The following RNF150 variants were observed in gnomAD, a reference collection of about 807,000 sequenced individuals.
RNF150 encodes ring finger protein 150.
Under a neutral mutation model 39.3 loss-of-function variants are expected in RNF150, and 24 were observed. The ratio of observed to expected loss-of-function variants is 0.61; its 90% CI spans 0.44 to 0.86. The LOEUF is 0.86. Ranked by LOEUF, RNF150 falls within the 40% of genes least tolerant of loss-of-function variation. RNF150 has a pLI of 0.00. For synonymous variants in RNF150, 255 were observed against 227.3 expected, an observed-to-expected ratio of 1.12 and a Z score of -1.10; for missense variants, 502 against 587.8, an observed-to-expected ratio of 0.85 and a Z score of 1.51.
intron 1 of RNF150, among the ~76,000 whole-genome samples, chr4:141,079,588 G>A (rs959234836): frequency 3.3e-5 from 5 of 152,322 alleles, no homozygotes; most frequent in African/African-American, 1.2e-4. Context: ...CTGTAAAACT[G>A]TGAGCAGCTG....
intron 1 of RNF150, among the ~76,000 whole-genome samples, chr4:141,212,342 A>G (rs1728481266): frequency 6.6e-6 from 1 of 152,162 alleles, no homozygotes. Flanking sequence ...GGACTTAGTA[A>G]CTGCATACCG....
intron 1 of RNF150, among the ~76,000 whole-genome samples, chr4:141,183,210 C>A (rs1727941525): frequency 6.6e-6 from 1 of 152,118 alleles, no homozygotes; most frequent in African/African-American, 2.4e-5. Context: ...CAAAGGGCTA[C>A]ATATTACCAG....
At chr4:141,038,637 G>C (rs1237422974) in intron 1 of RNF150, among the ~76,000 whole-genome samples, 1 of 151,936 alleles carries the variant, frequency 6.6e-6, no homozygotes, top group Non-Finnish European at 1.5e-5. Flanking sequence ...GCTGCAGTGA[G>C]CCATGATTGT....
chr4:140,926,193 C>T (rs1310918611), intron 4 of RNF150, 120 bp from the exon 5 acceptor site: 3 of 698,586 alleles, frequency 4.3e-6, no homozygotes, highest in Non-Finnish European at 7.6e-6. Flanking sequence ...AGACTCAAAC[C>T]TCCATCCCTA....
chr4:140,964,462 G>C (rs12331181), intron 2 of RNF150, among the ~76,000 whole-genome samples: 1 of 151,870 alleles, frequency 6.6e-6, no homozygotes, highest in South Asian at 2.1e-4. Context: ...TAACAATGAG[G>C]CTGTTAATAA....
intron 1 of RNF150, among the ~76,000 whole-genome samples, chr4:141,107,868 C>T (rs1739264681): frequency 6.6e-6 from 1 of 152,084 alleles, no homozygotes; most frequent in Admixed American, 6.5e-5. Flanking sequence ...TTCATTGCAT[C>T]ATTAAAATGT....
At chr4:141,030,552 C>T (rs1735905590) in intron 1 of RNF150, among the ~76,000 whole-genome samples, 1 of 152,092 alleles carries the variant, frequency 6.6e-6, no homozygotes, top group Non-Finnish European at 1.5e-5. Flanking sequence ...ATGAAATTTA[C>T]CTAAGTGTCC....
intron 6 of RNF150, among the ~76,000 whole-genome samples, chr4:140,903,219 G>C (rs1730251240): frequency 6.6e-6 from 1 of 152,188 alleles, no homozygotes; most frequent in Admixed American, 6.5e-5. Flanking sequence ...CCTCTGGCTA[G>C]TGGTGTTTCC....
In RNF150 at chr4:141,020,734, C is replaced by T. The variant is rs17006786; in HGVS notation, c.485-52861G>A. 6.1e-3 allele frequency among the ~76,000 whole-genome samples: 929 copies of T among 152,258 alleles called. 24 individuals are homozygous for T. Among genetic ancestry groups the T allele is most frequent in the Admixed American group, 0.043 (650 of 15,294 alleles). ...CAATTACAGTCAGGCTGATGCTAGA[C>T]CATGTACCATTTCATGATGTGTTTA... On this transcript the variant is annotated intron_variant, in intron 1 of 6. Coordinates refer to ENST00000515673, the MANE Select transcript of RNF150 (RefSeq NM_020724.2).
intron 1 of RNF150, among the ~76,000 whole-genome samples, chr4:140,989,129 T>C (rs935048038): frequency 2.6e-5 from 4 of 152,178 alleles, no homozygotes; most frequent in Non-Finnish European, 5.9e-5. Context: ...CCAAAGTGAC[T>C]GTAAGGTCTG....
intron 5 of RNF150, among the ~76,000 whole-genome samples, chr4:140,915,436 G>A (rs190166149): frequency 6.6e-6 from 1 of 152,274 alleles, no homozygotes; most frequent in African/African-American, 2.4e-5. Flanking sequence ...GAAGGATGAA[G>A]GGGAACAAAA....
At chr4:140,894,980 G>C (rs574286575) in intron 6 of RNF150, among the ~76,000 whole-genome samples, 1 of 152,172 alleles carries the variant, frequency 6.6e-6, no homozygotes, top group Non-Finnish European at 1.5e-5. Context: ...GGAACTCTCA[G>C]GGAGAGCAGA....
chr4:140,888,746 G>A (rs1729662621), intron 6 of RNF150, among the ~76,000 whole-genome samples: 2 of 152,168 alleles, frequency 1.3e-5, no homozygotes, highest in Admixed American at 1.3e-4. Flanking sequence ...TTACTAGGCT[G>A]ATAAAGCTGA....
intron 1 of RNF150, among the ~76,000 whole-genome samples, chr4:141,195,310 C>A (rs1272155116): frequency 6.6e-6 from 1 of 152,176 alleles, no homozygotes; most frequent in Non-Finnish European, 1.5e-5. Flanking sequence ...CCTCCAGACT[C>A]CATTTCTGGA....
intron 1 of RNF150, among the ~76,000 whole-genome samples, chr4:141,142,265 G>A (rs1424123433): frequency 1.3e-5 from 2 of 152,112 alleles, no homozygotes; most frequent in Non-Finnish European, 2.9e-5. Context: ...ATCCTTTTCT[G>A]TTGTTTAAAT....
intron 1 of RNF150, among the ~76,000 whole-genome samples, chr4:141,041,523 T>C (rs1736371774): frequency 6.6e-6 from 1 of 152,126 alleles, no homozygotes; most frequent in African/African-American, 2.4e-5. Context: ...AATACACAGC[T>C]GCATCTATCC....
intron 1 of RNF150, among the ~76,000 whole-genome samples, chr4:141,065,573 G>A (rs1030859778): frequency 5.9e-5 from 9 of 151,406 alleles, no homozygotes; most frequent in African/African-American, 9.7e-5. Context: ...TTTACATTGC[G>A]TAGTCTCTGT....
At chr4:140,964,156 G>A (rs1733146837) in intron 2 of RNF150, among the ~76,000 whole-genome samples, 1 of 152,038 alleles carries the variant, frequency 6.6e-6, no homozygotes, top group African/African-American at 2.4e-5. Context: ...TATTAATATA[G>A]TTCTGCAACA....
At chr4:141,059,074 T>C (rs1264524698) in intron 1 of RNF150, among the ~76,000 whole-genome samples, 1 of 152,110 alleles carries the variant, frequency 6.6e-6, no homozygotes, top group Non-Finnish European at 1.5e-5. Flanking sequence ...CAGGAGACAA[T>C]ATTTTGCCCC....
Sources: allele counts gnomAD v4.1 joint callset (sites outside exome capture counted in the v4.1 genomes callset), GRCh38; gene constraint gnomAD v4.1.1; transcripts MANE v1.5; gene names NCBI Gene and HGNC (gene_info 2026-07-23, HGNC 2026-07-21).